The following DLGAP1 variants were observed in gnomAD, a reference collection of about 807,000 sequenced individuals.
DLGAP1 encodes disks large-associated protein 1.
DLGAP1 carries 11 observed loss-of-function variants against 90.8 expected under a neutral mutation model. The ratio of observed to expected loss-of-function variants is 0.12; its 90% CI spans 0.08 to 0.20. The LOEUF (loss-of-function observed/expected upper bound fraction) is 0.20. DLGAP1 is among the 10% of genes least tolerant of loss of function. The pLI is 1.00. For missense variants in DLGAP1, 1,050 were observed against 1,333.8 expected (o/e 0.79, Z 3.31); for synonymous variants, 558 against 540.7 (o/e 1.03, Z -0.44).
At chr18:3,968,412 A>AT (rs1409507299) in intron 3 of DLGAP1, among the ~76,000 whole-genome samples, 4 of 152,248 alleles carry the variant, frequency 2.6e-5, no homozygotes, top group Non-Finnish European at 4.4e-5. Flanking sequence ...TCAGTGTGTC[A>AT]TTAGCTCATG....
intron 7 of DLGAP1, among the ~76,000 whole-genome samples, chr18:3,715,817 G>A (rs1232007914): frequency 6.6e-6 from 1 of 151,970 alleles, no homozygotes; most frequent in African/African-American, 2.4e-5. Flanking sequence ...ACCATGAACT[G>A]GTTTTATGTA....
chr18:4,021,259 G>A (rs991350098), intron 2 of DLGAP1, among the ~76,000 whole-genome samples: 2 of 152,154 alleles, frequency 1.3e-5, no homozygotes, highest in Non-Finnish European at 2.9e-5. Flanking sequence ...AGAATCCATG[G>A]AGCAGTTACA....
rs116208954 is a variant in DLGAP1 at position 4,254,105 on chromosome 18, T to A, written c.-266-102818A>T. On this transcript the variant is annotated intron_variant, in intron 1 of 12. Coordinates refer to ENST00000315677, the MANE Select transcript of DLGAP1 (RefSeq NM_004746.4). Reference sequence around the variant, plus strand: ...CACATTGTACTATGTCAGGCAGGGATTGTCAATAGGAGTAAGAACAAGACT... The same window carrying A: ...CACATTGTACTATGTCAGGCAGGGAATGTCAATAGGAGTAAGAACAAGACT... Among the ~76,000 whole-genome samples the A allele has an allele frequency of 6.5e-3, 987 of 152,196 alleles. 11 individuals are homozygous for A. The highest frequency in any genetic ancestry group is 0.022 in the African/African-American group (934 of 41,524).
intron 4 of DLGAP1, 128 bp downstream of exon 4, chr18:3,878,984 G>T: frequency 1.3e-6 from 1 of 757,086 alleles, no homozygotes; most frequent in Non-Finnish European, 1.9e-6. Flanking sequence ...CAGAGATGCC[G>T]AATAATTTGC....
chr18:4,010,468 A>C (rs749799809), intron 2 of DLGAP1, among the ~76,000 whole-genome samples: 5 of 152,160 alleles, frequency 3.3e-5, no homozygotes, highest in African/African-American at 1.2e-4. Context: ...GGAATGCTTG[A>C]GCCTAAGAGG....
chr18:3,623,390 C>T (rs60460188), intron 7 of DLGAP1, among the ~76,000 whole-genome samples: 52,065 of 152,004 alleles, frequency 0.34, 9,432 homozygotes, highest in East Asian at 0.52. Flanking sequence ...CCAGGCTTCG[C>T]ATGTATAAGA....
intron 5 of DLGAP1, among the ~76,000 whole-genome samples, chr18:3,743,396 C>A (rs1255004597): frequency 6.6e-6 from 1 of 151,602 alleles, no homozygotes; most frequent in East Asian, 1.9e-4. Flanking sequence ...GCTGTGTCAC[C>A]CAGGCTGGAG....
chr18:4,433,072 T>C (rs1048715794), intron 1 of DLGAP1, among the ~76,000 whole-genome samples: 2 of 152,162 alleles, frequency 1.3e-5, no homozygotes, highest in African/African-American at 4.8e-5. Flanking sequence ...CAGCTGGAGA[T>C]TTTTTTCCCC....
chr18:4,449,714 T>A (rs919331666), intron 1 of DLGAP1, among the ~76,000 whole-genome samples: 2 of 152,186 alleles, frequency 1.3e-5, no homozygotes, highest in African/African-American at 4.8e-5. Flanking sequence ...CACATCATTA[T>A]TGACCGTAAA....
chr18:3,726,822 G>C (rs912588144), intron 7 of DLGAP1, among the ~76,000 whole-genome samples: 4 of 152,182 alleles, frequency 2.6e-5, no homozygotes, highest in Non-Finnish European at 5.9e-5. Context: ...GCCAAGCCTG[G>C]AGCCTTCCCC....
At chr18:3,528,845 C>T (rs1434176065) in intron 10 of DLGAP1, among the ~76,000 whole-genome samples, 1 of 152,116 alleles carries the variant, frequency 6.6e-6, no homozygotes, top group Non-Finnish European at 1.5e-5. Flanking sequence ...GCTCCTATTT[C>T]GTGTCTCTCA....
chr18:3,613,928 C>CT lies in DLGAP1; in HGVS notation c.1592-31681dup, dbSNP rs879925249. ...AGCAGCTACCCAGTAACAGTTGTTACTTTTTTTTTTTTGAGATGGAGTTTC... is the reference window on the plus strand; with the variant it reads ...AGCAGCTACCCAGTAACAGTTGTTACTTTTTTTTTTTTTGAGATGGAGTTTC... On this transcript the variant is annotated intron_variant, in intron 7 of 12. Transcript: ENST00000315677. 3.8e-4 allele frequency among the ~76,000 whole-genome samples: 56 copies of CT among 146,442 alleles called. 1 individual carries two copies. Among genetic ancestry groups the CT allele is most frequent in the African/African-American group, 8.5e-4 (34 of 40,152 alleles).
chr18:4,387,923 TCACACATA>T lies in DLGAP1; in HGVS notation c.-267+67075_-267+67082del, dbSNP rs755231527. On this transcript the variant is annotated intron_variant, in intron 1 of 12. Transcript: ENST00000315677. ...TCCAGCCTGGGTGACAGAGACTCCA[TCACACATA>T]CACACACACACACACACACACACAC... Among the ~76,000 whole-genome samples, 23 of 33,668 alleles carry T rather than the reference TCACACATA, an allele frequency of 6.8e-4. 1 individual carries two copies. The highest frequency in any genetic ancestry group is 1.6e-3 in the Admixed American group (3 of 1,864). 22.1% of individuals were successfully genotyped at this position (33,668 alleles called of 152,430 possible).
intron 1 of DLGAP1, among the ~76,000 whole-genome samples, chr18:4,259,743 AATAAT>A (rs1388746549): frequency 1.3e-5 from 2 of 152,216 alleles, no homozygotes; most frequent in Non-Finnish European, 2.9e-5. Flanking sequence ...AAATTATAGA[AATAAT>A]ATAAAGAACA....
At chr18:4,386,624 G>A (rs185253016) in intron 1 of DLGAP1, among the ~76,000 whole-genome samples, 1 of 152,294 alleles carries the variant, frequency 6.6e-6, no homozygotes, top group East Asian at 1.9e-4. Context: ...AGGTGATAAT[G>A]GGAAAATATG....
At chr18:3,911,925 G>A (rs548619478) in intron 3 of DLGAP1, among the ~76,000 whole-genome samples, 14 of 152,286 alleles carry the variant, frequency 9.2e-5, no homozygotes, top group Non-Finnish European at 1.8e-4. Flanking sequence ...TTATCAAAGT[G>A]GGTCCCTGGG....
chr18:4,245,178 G>A lies in DLGAP1; in HGVS notation c.-266-93891C>T, dbSNP rs954541048. 4.6e-5 allele frequency among the ~76,000 whole-genome samples: 7 copies of A among 152,108 alleles called. 1 individual carries two copies. The highest frequency in any genetic ancestry group is 1.7e-4 in the African/African-American group (7 of 41,412). ...TGTATAAGCTTGTACATTTGCTTAG[G>A]AAAGTGCTCGGTACTTGACATTCAA... On this transcript the variant is annotated intron_variant, in intron 1 of 12. Coordinates refer to ENST00000315677, the MANE Select transcript of DLGAP1 (RefSeq NM_004746.4).
At chr18:3,873,785 A>C (rs914829173) in intron 4 of DLGAP1, among the ~76,000 whole-genome samples, 1 of 152,190 alleles carries the variant, frequency 6.6e-6, no homozygotes, top group Non-Finnish European at 1.5e-5. Context: ...CAATCATCAT[A>C]AATGTTAATT....
chr18:4,168,782 C>T (rs2076975885), intron 1 of DLGAP1, among the ~76,000 whole-genome samples: 1 of 152,134 alleles, frequency 6.6e-6, no homozygotes, highest in Non-Finnish European at 1.5e-5. Flanking sequence ...GGGGGTCTTA[C>T]TATGTTGGCC....
Sources: allele counts gnomAD v4.1 joint callset (sites outside exome capture counted in the v4.1 genomes callset), GRCh38; gene constraint gnomAD v4.1.1; transcripts MANE v1.5; gene names NCBI Gene and HGNC (gene_info 2026-07-23, HGNC 2026-07-21).